The following CCDC178 variants were observed in gnomAD, a reference collection of about 807,000 sequenced individuals.
CCDC178 encodes the protein coiled-coil domain containing 178.
A neutral mutation model predicts 117.4 loss-of-function variants in CCDC178; 126 were observed. The ratio of observed to expected loss-of-function variants is 1.07; its 90% CI spans 0.93 to 1.24. The LOEUF is 1.24. CCDC178 is among the 50% of genes most tolerant of loss of function. The pLI, the probability that CCDC178 is intolerant of heterozygous loss-of-function variation, is 0.00. For missense variants in CCDC178, 1,030 were observed against 986.9 expected (o/e 1.04, Z -0.59); for synonymous variants, 283 against 313.4 (o/e 0.90, Z 1.02).
intron 10 of CCDC178, among the ~76,000 whole-genome samples, chr18:33,324,319 A>C (rs949971730): frequency 5.3e-5 from 8 of 151,938 alleles, no homozygotes; most frequent in African/African-American, 1.7e-4. Flanking sequence ...CAACGCATGT[A>C]TGAGGGACAT....
intron 20 of CCDC178, among the ~76,000 whole-genome samples, chr18:33,102,682 T>C (rs2057648263): frequency 6.6e-6 from 1 of 151,772 alleles, no homozygotes; most frequent in Admixed American, 6.6e-5. Context: ...CCTTGCAACG[T>C]ATCCCAAGCA....
intron 21 of CCDC178, among the ~76,000 whole-genome samples, chr18:33,035,487 A>G (rs1404935468): frequency 6.6e-6 from 1 of 152,090 alleles, no homozygotes; most frequent in Admixed American, 6.6e-5. Context: ...TCTTGAAAAC[A>G]TTATGCTAAG....
In CCDC178 at chr18:33,226,773, TA is replaced by T; in HGVS notation, c.1656+19del. Reference sequence around the variant, plus strand: ...GCAAATTAAAGGAAGAATAAAATATTAAAACCAAATCAGTATTACCTGAAGC... The same window carrying T: ...GCAAATTAAAGGAAGAATAAAATATTAAACCAAATCAGTATTACCTGAAGC... On this transcript the variant is annotated intron_variant, in intron 16 of 22. Coordinates refer to ENST00000383096, the MANE Select transcript of CCDC178 (RefSeq NM_001105528.4). The T allele has an allele frequency of 1.3e-6, 2 of 1,516,658 alleles. No homozygotes were observed. The highest frequency in any genetic ancestry group is 1.8e-6 in the Non-Finnish European group (2 of 1,118,664). 94.0% of individuals were successfully genotyped at this position (1,516,658 alleles called of 1,614,324 possible).
intron 20 of CCDC178, among the ~76,000 whole-genome samples, chr18:33,209,500 A>G (rs2059082715): frequency 6.6e-6 from 1 of 152,024 alleles, no homozygotes; most frequent in East Asian, 1.9e-4. Context: ...TACATTTATA[A>G]TGATGCCTTT....
chr18:33,434,926 T>C (rs1015992234), intron 2 of CCDC178, among the ~76,000 whole-genome samples: 2 of 152,162 alleles, frequency 1.3e-5, no homozygotes, highest in African/African-American at 4.8e-5. Flanking sequence ...ATTTTCAATA[T>C]TTCAGAAATC....
intron 5 of CCDC178, among the ~76,000 whole-genome samples, chr18:33,374,627 T>C (rs779229422): frequency 4.6e-5 from 7 of 151,854 alleles, no homozygotes; most frequent in Non-Finnish European, 1.0e-4. Flanking sequence ...TCCTCTTCTT[T>C]ATATTTCCCC....
intron 11 of CCDC178, among the ~76,000 whole-genome samples, chr18:33,316,934 T>G (rs1375905999): frequency 3.9e-5 from 6 of 152,152 alleles, no homozygotes. Context: ...CTTTTGTGTC[T>G]AGCTCAGGGA....
At chr18:33,016,078 A>G (rs181258823) in intron 21 of CCDC178, among the ~76,000 whole-genome samples, 36 of 152,246 alleles carry the variant, frequency 2.4e-4, no homozygotes, top group Middle Eastern at 3.4e-3. Context: ...AAATATAATA[A>G]TCTCAAATTT....
intron 20 of CCDC178, among the ~76,000 whole-genome samples, chr18:33,168,932 T>C (rs750539178): frequency 2.0e-5 from 3 of 152,240 alleles, no homozygotes; most frequent in Non-Finnish European, 2.9e-5. Context: ...TTTCTCAGCC[T>C]ACATCCTGTT....
chr18:33,383,867 T>TGA (rs2063465807), intron 5 of CCDC178, among the ~76,000 whole-genome samples: 1 of 152,116 alleles, frequency 6.6e-6, no homozygotes, highest in African/African-American at 2.4e-5. Flanking sequence ...CTGAGATGGA[T>TGA]GAACTAACAG....
At chr18:33,433,882 C>T (rs188822454) in intron 2 of CCDC178, among the ~76,000 whole-genome samples, 1 of 151,812 alleles carries the variant, frequency 6.6e-6, no homozygotes, top group East Asian at 1.9e-4. Context: ...ATCATTATGC[C>T]ATAGGGGAAA....
chr18:33,414,652 T>C (rs1240304809), intron 2 of CCDC178, among the ~76,000 whole-genome samples: 1 of 152,216 alleles, frequency 6.6e-6, no homozygotes, highest in Non-Finnish European at 1.5e-5. Context: ...AAGGACTTCA[T>C]GTCTAAAACA....
At chr18:33,150,837 A>G (rs2144340226) in intron 20 of CCDC178, among the ~76,000 whole-genome samples, 1 of 152,358 alleles carries the variant, frequency 6.6e-6, no homozygotes, top group Admixed American at 6.5e-5. Context: ...GATGGTTTAT[A>G]GCAGCACATT....
chr18:33,181,154 G>A (rs1263500291), intron 20 of CCDC178, among the ~76,000 whole-genome samples: 1 of 151,940 alleles, frequency 6.6e-6, no homozygotes, highest in African/African-American at 2.4e-5. Flanking sequence ...AATAAACAAG[G>A]CATGAATACA....
chr18:33,353,944 A>G lies in CCDC178; in HGVS notation c.371+2380T>C, dbSNP rs2063014918. Among the ~76,000 whole-genome samples the G allele has an allele frequency of 2.6e-5, 4 of 152,174 alleles. No homozygotes were observed. In the South Asian group the frequency reaches 8.3e-4, roughly 31 times the overall value. ...GTGTCGTTTCATTTCAGCCTGAAAG[A>G]CTACTTATAGGATTTCTTATAGAAC... On this transcript the variant is annotated intron_variant, in intron 7 of 22. Coordinates refer to ENST00000383096, the MANE Select transcript of CCDC178 (RefSeq NM_001105528.4).
chr18:33,300,871 G>A (rs1293610381), intron 11 of CCDC178, among the ~76,000 whole-genome samples: 1 of 152,192 alleles, frequency 6.6e-6, no homozygotes, highest in African/African-American at 2.4e-5. Flanking sequence ...TTTGCAGCCT[G>A]GCCATGTGGC....
At chr18:33,123,831 C>A (rs1366799285) in intron 20 of CCDC178, among the ~76,000 whole-genome samples, 1 of 152,056 alleles carries the variant, frequency 6.6e-6, no homozygotes, top group South Asian at 2.1e-4. Flanking sequence ...AATGGAAATC[C>A]AACACCAGTT....
intron 12 of CCDC178, among the ~76,000 whole-genome samples, chr18:33,280,819 T>G (rs1442869327): frequency 3.9e-5 from 6 of 152,058 alleles, no homozygotes; most frequent in Non-Finnish European, 8.8e-5. Flanking sequence ...CGGATGAAAT[T>G]GGAAATCATC....
chr18:33,101,802 CA>C (rs1412671837), intron 20 of CCDC178, among the ~76,000 whole-genome samples: 1 of 151,840 alleles, frequency 6.6e-6, no homozygotes, highest in Non-Finnish European at 1.5e-5. Context: ...CATATTATGG[CA>C]TAAATTAAGT....
Sources: gnomAD v4.1 joint callset for allele counts (sites outside exome capture counted in the v4.1 genomes callset) on GRCh38, gnomAD v4.1.1 for gene constraint, MANE v1.5 for transcripts, NCBI Gene and HGNC (gene_info 2026-07-23, HGNC 2026-07-21) for gene names.